SDK1: variants seen among roughly 807,000 people sequenced by gnomAD.
The protein encoded by SDK1 is protein sidekick-1.
Under a neutral mutation model 245.5 loss-of-function variants are expected in SDK1, and 157 were observed. The ratio of observed to expected loss-of-function variants is 0.64; its 90% CI spans 0.56 to 0.73. SDK1 has a LOEUF of 0.73. Ranked by LOEUF, SDK1 falls within the 30% of genes least tolerant of loss-of-function variation. SDK1 has a pLI of 0.00. For missense variants in SDK1, 3,583 were observed against 3,002.3 expected (o/e 1.19, Z -4.52); for synonymous variants, 1,647 against 1,278.5 (o/e 1.29, Z -6.15).
chr7:4,221,709 T>C (rs1230817658), intron 40 of SDK1, among the ~76,000 whole-genome samples: 1 of 152,216 alleles, frequency 6.6e-6, no homozygotes, highest in Non-Finnish European at 1.5e-5. Flanking sequence ...CAGGGACTCA[T>C]GTCAGGGTTC....
chr7:3,617,110 T>G (rs1781795849), intron 1 of SDK1, among the ~76,000 whole-genome samples: 1 of 152,248 alleles, frequency 6.6e-6, no homozygotes, highest in East Asian at 1.9e-4. Flanking sequence ...TGATGACATC[T>G]ATGTTATAGG....
At chr7:3,981,152 A>G (rs1050665689) in intron 13 of SDK1, among the ~76,000 whole-genome samples, 4 of 152,116 alleles carry the variant, frequency 2.6e-5, no homozygotes, top group African/African-American at 9.7e-5. Flanking sequence ...GAATTCTCAC[A>G]ATGTTTCAAA....
At chr7:4,106,417 C>T (rs1392432115) in intron 22 of SDK1, among the ~76,000 whole-genome samples, 2 of 151,958 alleles carry the variant, frequency 1.3e-5, no homozygotes, top group African/African-American at 2.4e-5. Flanking sequence ...CATTCTCCTG[C>T]CTCAGCCTCC....
At chr7:4,168,208 C>T (rs1346432638) in intron 32 of SDK1, among the ~76,000 whole-genome samples, 1 of 152,170 alleles carries the variant, frequency 6.6e-6, no homozygotes, top group African/African-American at 2.4e-5. Context: ...CCTCTGGGGG[C>T]ACGGCCGCCT....
At chr7:3,772,696 C>G (rs1780437744) in intron 4 of SDK1, among the ~76,000 whole-genome samples, 1 of 152,142 alleles carries the variant, frequency 6.6e-6, no homozygotes, top group African/African-American at 2.4e-5. Flanking sequence ...CTCCAAGTTA[C>G]TATCCAGTAT....
At chr7:3,849,237 C>T (rs1443889644) in intron 5 of SDK1, among the ~76,000 whole-genome samples, 1 of 152,216 alleles carries the variant, frequency 6.6e-6, no homozygotes, top group African/African-American at 2.4e-5. Context: ...GATGCTCCAG[C>T]ATCATGTCTT....
intron 4 of SDK1, among the ~76,000 whole-genome samples, chr7:3,674,825 G>C (rs1783839563): frequency 6.6e-6 from 1 of 152,144 alleles, no homozygotes; most frequent in Admixed American, 6.5e-5. Flanking sequence ...GATTGGCTCT[G>C]TGTTCAGCAC....
chr7:4,190,234 C>T (rs909398441), intron 35 of SDK1, among the ~76,000 whole-genome samples: 12 of 152,326 alleles, frequency 7.9e-5, no homozygotes, highest in African/African-American at 2.4e-4. Flanking sequence ...ACATATCACG[C>T]GATAATGACA....
At chr7:4,075,021 G>T (rs1242107041) in intron 20 of SDK1, among the ~76,000 whole-genome samples, 6 of 150,518 alleles carry the variant, frequency 4.0e-5, no homozygotes, top group Non-Finnish European at 7.4e-5. Context: ...AGGAGGAAAA[G>T]GAGACCAGGA....
intron 4 of SDK1, among the ~76,000 whole-genome samples, chr7:3,665,205 A>G (rs193032665): frequency 8.4e-4 from 128 of 152,298 alleles, no homozygotes; most frequent in African/African-American, 2.9e-3. Flanking sequence ...AGACCCACAC[A>G]TGGGGACCAC....
At chr7:3,552,462 C>G (rs954178937) in intron 1 of SDK1, among the ~76,000 whole-genome samples, 3 of 152,174 alleles carry the variant, frequency 2.0e-5, no homozygotes, top group Non-Finnish European at 4.4e-5. Context: ...TTCTCACCTA[C>G]CTCTTCTCCC....
intron 5 of SDK1, among the ~76,000 whole-genome samples, chr7:3,891,863 C>T (rs752781825): frequency 2.6e-5 from 4 of 152,136 alleles, no homozygotes; most frequent in Non-Finnish European, 5.9e-5. Context: ...TTTCTCTCTT[C>T]CCTTTCAATT....
At chr7:3,331,519 T>C (rs1780068612) in intron 1 of SDK1, among the ~76,000 whole-genome samples, 1 of 152,232 alleles carries the variant, frequency 6.6e-6, no homozygotes, top group Non-Finnish European at 1.5e-5. Flanking sequence ...TAATTCTTTT[T>C]ATATTAGATA....
intron 5 of SDK1, among the ~76,000 whole-genome samples, chr7:3,887,326 A>T (rs905133383): frequency 2.3e-4 from 35 of 152,336 alleles, no homozygotes; most frequent in Admixed American, 2.0e-3. Flanking sequence ...TAGCCAAAAA[A>T]AATGGCCCCA....
chr7:3,487,131 A>G (rs967469231), intron 1 of SDK1, among the ~76,000 whole-genome samples: 4 of 152,196 alleles, frequency 2.6e-5, no homozygotes, highest in African/African-American at 7.2e-5. Context: ...TTTATTTACA[A>G]AAACATGTGG....
chr7:4,075,191 C>T lies in SDK1; in HGVS notation c.3011-1807C>T, dbSNP rs538020600. Among the ~76,000 whole-genome samples the T allele has an allele frequency of 1.1e-4, 16 of 152,128 alleles. No homozygotes were observed. The East Asian group carries it at 2.7e-3, about 26-fold the overall frequency. On this transcript the variant is annotated intron_variant, in intron 20 of 44. Transcript: ENST00000404826. Reference sequence around the variant, plus strand: ...CAAGTGCTCTGGAGGCACCCAGCAGCCAGGCCTCCCCTCTGGTGGCCCTTG... The same window carrying T: ...CAAGTGCTCTGGAGGCACCCAGCAGTCAGGCCTCCCCTCTGGTGGCCCTTG...
chr7:4,180,386 GCT>G (rs1782531040), intron 35 of SDK1, among the ~76,000 whole-genome samples: 1 of 149,050 alleles, frequency 6.7e-6, no homozygotes, highest in Non-Finnish European at 1.5e-5. Context: ...CCTGGCTCCA[GCT>G]CTATGCCCAG....
At chr7:3,780,108 G>A (rs1780687323) in intron 4 of SDK1, among the ~76,000 whole-genome samples, 1 of 152,212 alleles carries the variant, frequency 6.6e-6, no homozygotes, top group Admixed American at 6.5e-5. Context: ...ACGAGCCTGA[G>A]ATACCTGTGT....
At chr7:3,733,599 C>T (rs1396922006) in intron 4 of SDK1, among the ~76,000 whole-genome samples, 1 of 152,100 alleles carries the variant, frequency 6.6e-6, no homozygotes, top group Admixed American at 6.5e-5. Context: ...TTACCTCTAG[C>T]CCGCGAGTTC....
Sources: gnomAD v4.1 joint callset for allele counts (sites outside exome capture counted in the v4.1 genomes callset) on GRCh38, gnomAD v4.1.1 for gene constraint, MANE v1.5 for transcripts, NCBI Gene and HGNC (gene_info 2026-07-23, HGNC 2026-07-21) for gene names.